GAD2: variants seen among roughly 807,000 people sequenced by gnomAD.
The protein encoded by GAD2 is glutamate decarboxylase 2, also known as 65 kDa glutamic acid decarboxylase.
Under a neutral mutation model 80.1 loss-of-function variants are expected in GAD2, and 22 were observed. That is an observed-to-expected ratio of 0.27 (90% CI 0.20 to 0.39). The LOEUF is 0.39. Ranked by LOEUF, GAD2 falls within the 10% of genes least tolerant of loss-of-function variation. GAD2 has a pLI of 1.00. For missense variants in GAD2, 624 were observed against 738.4 expected, an observed-to-expected ratio of 0.85 and a Z score of 1.80; for synonymous variants, 274 against 256.9, an observed-to-expected ratio of 1.07 and a Z score of -0.64.
chr10:26,234,926 G>A (rs1305304545), intron 7 of GAD2, among the ~76,000 whole-genome samples: 1 of 152,082 alleles, frequency 6.6e-6, no homozygotes, highest in Non-Finnish European at 1.5e-5. Flanking sequence ...AGGCTAGAGT[G>A]CAGTGGCGCC....
chr10:26,292,346 G>A, intron 13 of GAD2, 119 bp from the exon 14 acceptor site: 1 of 711,208 alleles, frequency 1.4e-6, no homozygotes, highest in Non-Finnish European at 2.4e-6. Flanking sequence ...ACAGCCTTGT[G>A]TTGAGAAAGT....
At chr10:26,233,618 T>C (rs1442567343) in intron 7 of GAD2, among the ~76,000 whole-genome samples, 1 of 152,246 alleles carries the variant, frequency 6.6e-6, no homozygotes, top group East Asian at 1.9e-4. Flanking sequence ...TGTAGCTTCC[T>C]TCTGGCTTCA....
rs1554853772 is a variant in GAD2 at position 26,293,193 on chromosome 10, T to TC, written c.1584+202_1584+203insC. On this transcript the variant is annotated intron_variant, in intron 15 of 15. Coordinates refer to ENST00000376261, the MANE Select transcript of GAD2 (RefSeq NM_001134366.2). Reference sequence around the variant, plus strand: ...TCTTCTTTTTTTTTTTTTTTTTTTTTTTGAGATGGAGTCTCACTGTGTCTT... The same window carrying TC: ...TCTTCTTTTTTTTTTTTTTTTTTTTTCTTGAGATGGAGTCTCACTGTGTCTT... 6.7e-4 allele frequency among the ~76,000 whole-genome samples: 92 copies of TC among 137,306 alleles called. 1 individual carries two copies. Among genetic ancestry groups the TC allele is most frequent in the African/African-American group, 2.5e-3 (87 of 35,140 alleles). The allele number at this position is 137,306 out of a possible 152,430, so 90.1% of individuals were successfully genotyped here.
Position 26,217,517 on chromosome 10 carries a change from G to A in GAD2, c.77-93G>A, listed in dbSNP as rs2132267330. 7.3e-7 allele frequency: 1 copy of A among 1,361,964 alleles called. No individual in the cohort carries two copies. The highest frequency in any genetic ancestry group is 1.4e-5 in the African/African-American group (1 of 69,432). 84.4% of individuals were successfully genotyped at this position (1,361,964 alleles called of 1,614,324 possible). A position where few individuals can be genotyped will look rare whatever the true frequency, so the allele number is the denominator to read the frequency against. ...GGAAGGCGGCCCCTCCTAGGACCCC[G>A]GACTGATTGATTTTCACATAGAACG... is the stretch of plus-strand genomic sequence containing the variant. On this transcript the variant is annotated intron_variant, in intron 1 of 15. Transcript: ENST00000376261. This position sits in a 1 kb window ranked among gnomAD's most constrained non-coding sequence, Gnocchi z 4.9.
chr10:26,283,652 A>G (rs1845298016), intron 12 of GAD2, among the ~76,000 whole-genome samples: 1 of 152,216 alleles, frequency 6.6e-6, no homozygotes. Context: ...CAAATTGTCC[A>G]TGGGGTTCCA....
intron 8 of GAD2, among the ~76,000 whole-genome samples, chr10:26,257,698 T>C (rs893147480): frequency 5.9e-5 from 9 of 152,232 alleles, no homozygotes; most frequent in Non-Finnish European, 1.3e-4. Flanking sequence ...CTTTTAAACG[T>C]ATCACTCCAG....
chr10:26,298,298 A>G (rs145866772), intron 15 of GAD2, among the ~76,000 whole-genome samples: 297 of 152,358 alleles, frequency 1.9e-3, no homozygotes, highest in Non-Finnish European at 2.0e-3. Flanking sequence ...TCATCAGAAT[A>G]GTCCGAATCT....
intron 7 of GAD2, among the ~76,000 whole-genome samples, chr10:26,234,769 C>T (rs1055247985): frequency 6.6e-5 from 10 of 152,194 alleles, no homozygotes; most frequent in African/African-American, 2.4e-4. Flanking sequence ...CAGCCCAAGA[C>T]TGCTCTTTCA....
At position 26,232,468 on chromosome 10, in the gene GAD2, ACTT is replaced by A. The variant is rs1387064699; in HGVS notation, c.840+2692_840+2694del. Among the ~76,000 whole-genome samples the A allele has an allele frequency of 6.0e-3, 786 of 131,630 alleles. 5 individuals carry two copies. The highest frequency in any genetic ancestry group is 8.6e-3 in the Non-Finnish European group (546 of 63,198). 86.4% of individuals were successfully genotyped at this position (131,630 alleles called of 152,430 possible). ...TTTCCTGATACTGTAAACTCAGTCTACTTTTTTTTTTTTTTTTTTTTTTTGAGT... is the reference window on the plus strand; with the variant it reads ...TTTCCTGATACTGTAAACTCAGTCTATTTTTTTTTTTTTTTTTTTTTGAGT... On this transcript the variant is annotated intron_variant, in intron 7 of 15. Transcript: ENST00000376261.
chr10:26,218,023 C>CCTGCCCCTCTCT (rs1844402526), intron 3 of GAD2, 32 bp downstream of exon 3: 2 of 1,567,138 alleles, frequency 1.3e-6, no homozygotes, highest in South Asian at 2.4e-5. Context: ...CCGGGGCGCC[C>CCTGCCCCTCTCT]CTGCCCCTCT....
chr10:26,298,067 G>A (rs1019817269), intron 15 of GAD2, among the ~76,000 whole-genome samples: 1 of 152,184 alleles, frequency 6.6e-6, no homozygotes, highest in African/African-American at 2.4e-5. Flanking sequence ...GTCTGCAATT[G>A]CTTACCAGGA....
intron 6 of GAD2, 65 bp from the exon 7 acceptor site, chr10:26,229,597 T>G (rs1185180547): frequency 1.8e-6 from 2 of 1,119,868 alleles, no homozygotes; most frequent in African/African-American, 3.1e-5. Context: ...AAATAAGGAA[T>G]GTTGCTTGCA....
At chr10:26,279,476 G>A (rs1845248889) in intron 11 of GAD2, among the ~76,000 whole-genome samples, 1 of 152,180 alleles carries the variant, frequency 6.6e-6, no homozygotes, top group Admixed American at 6.5e-5. Flanking sequence ...GGGGCTGCAG[G>A]AGCCGTACCC....
chr10:26,293,650 A>T (rs547114116), intron 15 of GAD2, among the ~76,000 whole-genome samples: 2 of 152,272 alleles, frequency 1.3e-5, no homozygotes, highest in East Asian at 3.9e-4. Flanking sequence ...CACAAAAGAG[A>T]CTTTAGGTAC....
chr10:26,269,059 C>T (rs556966509), intron 8 of GAD2, 60 bp from the exon 9 acceptor site: 20 of 1,341,656 alleles, frequency 1.5e-5, no homozygotes, highest in African/African-American at 5.8e-5. Flanking sequence ...CGGCCACTTA[C>T]GTTGTAAAGA....
At chr10:26,277,155 T>G (rs1589150978) in intron 11 of GAD2, among the ~76,000 whole-genome samples, 1 of 152,208 alleles carries the variant, frequency 6.6e-6, no homozygotes, top group Admixed American at 6.5e-5. Context: ...TACAGGGTAC[T>G]TCATCGGGCA....
chr10:26,280,303 G>A lies in GAD2; in HGVS notation c.1158-706G>A, dbSNP rs966425662. 5.3e-5 allele frequency among the ~76,000 whole-genome samples: 8 copies of A among 152,216 alleles called. 1 individual carries two copies. Among genetic ancestry groups the A allele is most frequent in the South Asian group, 4.1e-4 (2 of 4,836 alleles). ...TGGCCATGGTTGAGGACGCACGCCC[G>A]TGACACAGCCTCAGGTGGTCCTGAC... On this transcript the variant is annotated intron_variant, in intron 11 of 15. Coordinates refer to ENST00000376261, the MANE Select transcript of GAD2 (RefSeq NM_001134366.2).
At chr10:26,252,344 T>C (rs183962224) in intron 8 of GAD2, among the ~76,000 whole-genome samples, 82 of 151,790 alleles carry the variant, frequency 5.4e-4, no homozygotes, top group Non-Finnish European at 9.6e-4. Context: ...TACATTTTTT[T>C]TTCTTTTTTT....
At chr10:26,277,685 A>C (rs2132309986) in intron 11 of GAD2, among the ~76,000 whole-genome samples, 1 of 152,248 alleles carries the variant, frequency 6.6e-6, no homozygotes, top group Non-Finnish European at 1.5e-5. Context: ...AGAGGGGGAG[A>C]GAGAACTGTA....
Sources: allele counts gnomAD v4.1 joint callset (sites outside exome capture counted in the v4.1 genomes callset), GRCh38; gene constraint gnomAD v4.1.1; non-coding constraint Gnocchi (gnomAD v3.1); transcripts MANE v1.5; gene names NCBI Gene and HGNC (gene_info 2026-07-23, HGNC 2026-07-21).